Variants in ZP2 observed in about 807,000 individuals in gnomAD.
The protein encoded by ZP2 is zona pellucida sperm-binding protein 2.
A neutral mutation model predicts 84.0 loss-of-function variants in ZP2; 51 were observed. The observed-to-expected ratio is 0.61, with a 90% CI of 0.49 to 0.77. ZP2 has a LOEUF of 0.77. Among genes scored for constraint, ZP2 ranks in the 30% least tolerant of loss-of-function variants. The pLI is 0.00. For synonymous variants in ZP2, 375 were observed against 330.9 expected (o/e 1.13, Z -1.45); for missense variants, 909 against 911.9 (o/e 1.00, Z 0.04).
intron 3 of ZP2, 189 bp from the exon 4 acceptor site, chr16:21,209,914 C>T (rs2093266718): frequency 1.4e-6 from 1 of 690,874 alleles, no homozygotes; most frequent in Non-Finnish European, 2.5e-6. Context: ...GAGATGCTGG[C>T]ATAAGACACA....
intron 2 of ZP2, among the ~76,000 whole-genome samples, chr16:21,210,431 G>A (rs1015392280): frequency 1.3e-5 from 2 of 152,102 alleles, no homozygotes; most frequent in Admixed American, 6.5e-5. Flanking sequence ...CCAGGTTAGG[G>A]TTGACAAGCA....
rs967051592 is a variant in ZP2, at chr16:21,203,024, A to G, written c.1099+101T>C. 9.2e-6 allele frequency: 13 copies of G among 1,409,572 alleles called. No homozygotes were observed. In the African/African-American group the frequency reaches 1.7e-4, roughly 19 times the overall value. The allele number at this position is 1,409,572 out of a possible 1,614,324, so 87.3% of individuals were successfully genotyped here. A position where few individuals can be genotyped will look rare whatever the true frequency, so the allele number is the denominator to read the frequency against. ...GACTAGTCTTTAGTTTCTTCAGTCT[A>G]TAAGCAATAGATCAGAATCTGACCT... On this transcript the variant is annotated intron_variant, in intron 10 of 18. Coordinates refer to ENST00000574091, the MANE Select transcript of ZP2 (RefSeq NM_001376232.1).
Position 21,210,247 on chromosome 16 carries a change from A to T in ZP2, c.152-55T>A, listed in dbSNP as rs1396720722. On this transcript the variant is annotated intron_variant, in intron 2 of 18. Coordinates refer to ENST00000574091, the MANE Select transcript of ZP2 (RefSeq NM_001376232.1). ...TTGAGTCATGAGTGATGCAACTCCTACAAAAGTGTATAGACTCCTCTCAGA... is the reference window on the plus strand; with the variant it reads ...TTGAGTCATGAGTGATGCAACTCCTTCAAAAGTGTATAGACTCCTCTCAGA... 9.4e-6 allele frequency: 13 copies of T among 1,387,756 alleles called. No homozygotes were observed. In the African/African-American group the frequency reaches 1.6e-4, roughly 17 times the overall value. The allele number at this position is 1,387,756 out of a possible 1,614,324, so 86.0% of individuals were successfully genotyped here. A position where few individuals can be genotyped will look rare whatever the true frequency, so the allele number is the denominator to read the frequency against.
At chr16:21,212,276 C>G (rs1293390984), upstream of ZP2, among the ~76,000 whole-genome samples, 1 of 152,098 alleles carries the variant, frequency 6.6e-6, no homozygotes, top group Non-Finnish European at 1.5e-5. Flanking sequence ...AGAAGTTACC[C>G]TGATAATGCA....
At chr16:21,204,927 G>C (rs553008132) in intron 7 of ZP2, among the ~76,000 whole-genome samples, 6 of 152,310 alleles carry the variant, frequency 3.9e-5, no homozygotes, top group African/African-American at 1.4e-4. Context: ...TCAGGAATAT[G>C]CTTGTTCTGT....
intron 5 of ZP2, 126 bp from the exon 6 acceptor site, chr16:21,205,901 T>A: frequency 1.1e-6 from 1 of 873,100 alleles, no homozygotes; most frequent in Non-Finnish European, 1.9e-6. Flanking sequence ...AAGAAGCACA[T>A]GAACCCTGAC....
intron 14 of ZP2, 39 bp downstream of exon 14, chr16:21,201,330 G>A: frequency 2.0e-6 from 3 of 1,495,784 alleles, no homozygotes; most frequent in Non-Finnish European, 2.7e-6. Flanking sequence ...AAGTTTTGAT[G>A]GATTAGCTGG....
intron 16 of ZP2, 147 bp downstream of exon 16, chr16:21,199,423 T>G: frequency 1.6e-6 from 1 of 608,896 alleles, no homozygotes. Flanking sequence ...ATGAGTAAGG[T>G]AGACTGGACC....
intron 10 of ZP2, 77 bp from the exon 11 acceptor site, chr16:21,202,368 C>A: frequency 4.6e-6 from 6 of 1,297,614 alleles, no homozygotes; most frequent in Non-Finnish European, 6.1e-6. Flanking sequence ...TGATATGCTA[C>A]GAGGGAGAAA....
At position 21,206,990 on chromosome 16, in the gene ZP2, G is replaced by A; in HGVS notation, c.331C>T (p.His111Tyr). 1 of 1,614,056 alleles carries A rather than the reference G, an allele frequency of 6.2e-7. No homozygotes were observed. The highest frequency in any genetic ancestry group is 1.1e-5 in the South Asian group (1 of 91,082). ...CTGATGGTCATCTGGTGTCCACCAT[G>A]CTGTGTACAGATAGCACAGTGGGAA... ...ATYDNCTRRV[H>Y]GGHQMTIRVM... is the part of the protein sequence containing the mutation. The change falls in exon 5 of 19, where the codon CAT becomes TAT. Residue 111 changes from histidine to tyrosine, a missense_variant and splice_region_variant. Physicochemically the swap from His to Tyr is moderately conservative, Grantham distance 83. Transcript: ENST00000574091.
upstream of ZP2, among the ~76,000 whole-genome samples, chr16:21,213,692 C>T (rs185375562): frequency 7.2e-5 from 11 of 152,224 alleles, no homozygotes; most frequent in Admixed American, 2.0e-4. Flanking sequence ...AACCTCCTTA[C>T]GGGAATTGAG....
intron 6 of ZP2, 72 bp downstream of exon 6, chr16:21,205,659 G>T: frequency 6.2e-7 from 1 of 1,612,740 alleles, no homozygotes; most frequent in Non-Finnish European, 8.5e-7. Flanking sequence ...AATTTATCAG[G>T]TTAAAGGTAA....
intron 14 of ZP2, among the ~76,000 whole-genome samples, chr16:21,200,813 AG>A (rs2093221546): frequency 6.6e-6 from 1 of 152,242 alleles, no homozygotes; most frequent in South Asian, 2.1e-4. Context: ...GATAGAGGCT[AG>A]AGACCAGTCT....
chr16:21,199,991 C>T (rs1363825699), intron 14 of ZP2, 113 bp from the exon 15 acceptor site: 2 of 1,345,186 alleles, frequency 1.5e-6, no homozygotes, highest in Non-Finnish European at 2.1e-6. Flanking sequence ...CCATATTTAC[C>T]TTCTACCAGC....
chr16:21,210,267 C>G, intron 2 of ZP2, 75 bp from the exon 3 acceptor site: 1 of 1,177,336 alleles, frequency 8.5e-7, no homozygotes, highest in South Asian at 1.2e-5. Context: ...ATAGACTCCT[C>G]TCAGATGGGA....
At chr16:21,211,251 T>TA in intron 2 of ZP2, 56 bp downstream of exon 2, 1 of 1,534,086 alleles carries the variant, frequency 6.5e-7, no homozygotes, top group East Asian at 2.2e-5. Flanking sequence ...AGCTAGGCCT[T>TA]CCAGCTGCAA....
chr16:21,204,305 T>C lies in ZP2; in HGVS notation c.790+3A>G, dbSNP rs368230466. The C allele has an allele frequency of 1.9e-6, 3 of 1,614,030 alleles. No individual in the cohort carries two copies. The highest frequency in any genetic ancestry group is 2.5e-6 in the Non-Finnish European group (3 of 1,179,908). On this transcript the variant is annotated splice_donor_region_variant and intron_variant, in intron 8 of 18. Coordinates refer to ENST00000574091, the MANE Select transcript of ZP2 (RefSeq NM_001376232.1). ...CTGAGGTTGCAGCTATCTGGGACCT[T>C]ACCTGGTGCACAAATAGCTTGTGAA...
At chr16:21,207,339 G>A (rs2093254500) in intron 4 of ZP2, among the ~76,000 whole-genome samples, 1 of 152,046 alleles carries the variant, frequency 6.6e-6, no homozygotes, top group East Asian at 1.9e-4. Flanking sequence ...CATTGTGCTG[G>A]GTAGAGCTAC....
In ZP2 at chr16:21,197,600, G is replaced by C; in HGVS notation, c.2118C>G (p.His706Gln). The C allele has an allele frequency of 6.2e-7, 1 of 1,614,176 alleles. No individual in the cohort carries two copies. Among genetic ancestry groups the C allele is most frequent in the East Asian group, 2.2e-5 (1 of 44,888 alleles). The change falls in exon 19 of 19, where the codon CAC becomes CAG. Residue 706 changes from histidine (H) to glutamine (Q), a missense_variant. By Grantham distance (24) the His-to-Gln change is conservative (BLOSUM62 0). Transcript: ENST00000574091. ...GSRGAMDTKG[H>Q]KTAGDVGSKA... The stretch of plus-strand genomic sequence containing the variant: ...TGGAACCAACATCTCCAGCAGTCTT[G>C]TGCCCTTTGGTGTCCATAGCACCTA...
Sources: allele counts gnomAD v4.1 joint callset (sites outside exome capture counted in the v4.1 genomes callset), GRCh38; gene constraint gnomAD v4.1.1; transcripts MANE v1.5; gene names NCBI Gene and HGNC (gene_info 2026-07-23, HGNC 2026-07-21).